Variants in OR51B5 observed in about 807,000 individuals in gnomAD.
OR51B5 encodes olfactory receptor 51B5.
For missense variants in OR51B5, 456 were observed against 374.6 expected (o/e 1.22, Z -1.79); for synonymous variants, 186 against 144.8 (o/e 1.28, Z -2.04).
chr11:5,404,152 G>T (rs866682018), intron 1 of OR51B5, among the ~76,000 whole-genome samples: 3 of 138,762 alleles, frequency 2.2e-5, no homozygotes, highest in East Asian at 2.4e-4. Context: ...GGTCGGGGGC[G>T]GGGGGAGGGG....
At chr11:5,376,474 G>T (rs1034302611) in intron 1 of OR51B5, among the ~76,000 whole-genome samples, 7 of 152,108 alleles carry the variant, frequency 4.6e-5, no homozygotes, top group African/African-American at 1.7e-4. Flanking sequence ...GAGCAGAACT[G>T]AAGGAAACAG....
upstream of OR51B5, chr11:5,346,925 A>C (rs1465127132): frequency 6.6e-6 from 1 of 152,180 alleles, no homozygotes; most frequent in Non-Finnish European, 1.5e-5. Flanking sequence ...GAAGAGAAGC[A>C]GTCACTGTGG....
At chr11:5,463,633 G>A (rs1463713600) in intron 1 of OR51B5, among the ~76,000 whole-genome samples, 2 of 152,046 alleles carry the variant, frequency 1.3e-5, no homozygotes, top group Non-Finnish European at 2.9e-5. Flanking sequence ...CTTTGTTTAG[G>A]TTTTTGTTTG....
At chr11:5,385,969 T>A (rs1481155763) in intron 1 of OR51B5, among the ~76,000 whole-genome samples, 2 of 149,898 alleles carry the variant, frequency 1.3e-5, no homozygotes, top group Non-Finnish European at 3.0e-5. Flanking sequence ...TAAGTATATA[T>A]AAATATAAAA....
At chr11:5,403,213 C>T (rs751066897) in intron 1 of OR51B5, 4 of 471,196 alleles carry the variant, frequency 8.5e-6, no homozygotes, top group South Asian at 4.6e-5. Flanking sequence ...TTCATTGTTA[C>T]CTCTACTTTT....
chr11:5,410,602 T>A (rs1311164256), intron 1 of OR51B5, among the ~76,000 whole-genome samples: 1 of 152,182 alleles, frequency 6.6e-6, no homozygotes, highest in East Asian at 1.9e-4. Context: ...AGAGTATTTC[T>A]TCTACTTAGA....
intron 1 of OR51B5, among the ~76,000 whole-genome samples, chr11:5,428,573 T>C (rs1157194072): frequency 8.8e-6 from 1 of 113,596 alleles, no homozygotes; most frequent in African/African-American, 2.8e-5. Flanking sequence ...TTTAGCTTTT[T>C]ATATTAGAAA....
At chr11:5,441,099 G>A (rs752320199) in intron 1 of OR51B5, 1 of 1,614,028 alleles carries the variant, frequency 6.2e-7, no homozygotes, top group African/African-American at 1.3e-5. Flanking sequence ...ACGGTTGTGA[G>A]TGAGCACAGT....
At chr11:5,345,134 T>C (rs532224310), upstream of OR51B5, among the ~76,000 whole-genome samples, 4 of 152,328 alleles carry the variant, frequency 2.6e-5, no homozygotes, top group East Asian at 1.9e-4. Flanking sequence ...ATTTTTGTTT[T>C]GTTTTGTTTT....
intron 1 of OR51B5, among the ~76,000 whole-genome samples, chr11:5,366,535 G>C (rs986060754): frequency 2.6e-5 from 4 of 152,080 alleles, no homozygotes; most frequent in African/African-American, 7.2e-5. Context: ...CTTGAACCTG[G>C]GAGGCGGAGG....
chr11:5,411,719 G>T (rs528553001), intron 1 of OR51B5, among the ~76,000 whole-genome samples: 1 of 152,280 alleles, frequency 6.6e-6, no homozygotes, highest in African/African-American at 2.4e-5. Context: ...TAAGGTGAAA[G>T]TCCTGCATAA....
At chr11:5,402,483 GC>G in intron 1 of OR51B5, 1 of 359,468 alleles carries the variant, frequency 2.8e-6, no homozygotes, top group Non-Finnish European at 5.6e-6. Flanking sequence ...CTGTGAGTTT[GC>G]TTTTTTCTTC....
chr11:5,388,505 T>C (rs899542287), intron 1 of OR51B5, among the ~76,000 whole-genome samples: 1 of 149,770 alleles, frequency 6.7e-6, no homozygotes, highest in African/African-American at 2.5e-5. Flanking sequence ...AAAAATGTTT[T>C]TATTCCAGGA....
rs1849091412 is a variant in OR51B5, at chr11:5,351,736, C to T, written n.85-4826G>A. 6.2e-7 allele frequency: 1 copy of T among 1,613,650 alleles called. No individual in the cohort carries two copies. The highest frequency in any genetic ancestry group is 8.5e-7 in the Non-Finnish European group (1 of 1,179,678). On this transcript the variant is annotated intron_variant and non_coding_transcript_variant, in intron 1 of 4. Coordinates refer to the OR51B5 transcript ENST00000415970. ...CCTCGGAGTGACATTGACCACAATGCCCACAGTGCTAGGTGTTCTGTGGTT... is the reference window on the plus strand; with the variant it reads ...CCTCGGAGTGACATTGACCACAATGTCCACAGTGCTAGGTGTTCTGTGGTT...
At chr11:5,494,382 G>T (rs997076281) in intron 1 of OR51B5, among the ~76,000 whole-genome samples, 1 of 152,016 alleles carries the variant, frequency 6.6e-6, no homozygotes, top group Non-Finnish European at 1.5e-5. Flanking sequence ...ATCACATGAC[G>T]GCCTTTCCCA....
chr11:5,420,271 C>T (rs190663218), intron 1 of OR51B5, among the ~76,000 whole-genome samples: 1 of 152,114 alleles, frequency 6.6e-6, no homozygotes, highest in East Asian at 1.9e-4. Context: ...ATGAATGTTT[C>T]TACACTGCCA....
intron 1 of OR51B5, among the ~76,000 whole-genome samples, chr11:5,417,034 A>G (rs891651202): frequency 1.3e-5 from 2 of 148,846 alleles, no homozygotes; most frequent in African/African-American, 2.4e-5. Context: ...ACTATACTAC[A>G]AGGCTACAGT....
In OR51B5 at chr11:5,359,975, C is replaced by T. The variant is rs367657824; in HGVS notation, n.85-13065G>A. ...GCTGAAACTGGATCCCTTTCTTACA[C>T]CTTATACAAAAATTAATTCAAGATG... On this transcript the variant is annotated intron_variant and non_coding_transcript_variant, in intron 1 of 4. Coordinates refer to the OR51B5 transcript ENST00000415970. Among the ~76,000 whole-genome samples the T allele has an allele frequency of 6.8e-4, 104 of 152,278 alleles. 1 individual carries two copies. The East Asian group carries it at 0.016, about 23-fold the overall frequency.
chr11:5,431,229 A>G (rs1013749629), intron 1 of OR51B5: 3 of 348,816 alleles, frequency 8.6e-6, no homozygotes, highest in South Asian at 6.6e-5. Flanking sequence ...AGATGGCTAC[A>G]AAGCGGTCAT....
Sources: gnomAD v4.1 joint callset for allele counts (sites outside exome capture counted in the v4.1 genomes callset) on GRCh38, gnomAD v4.1.1 for gene constraint, MANE v1.5 for transcripts, NCBI Gene and HGNC (gene_info 2026-07-23, HGNC 2026-07-21) for gene names.